The following DHX16 variants were observed in gnomAD, a reference collection of about 807,000 sequenced individuals.
The protein encoded by DHX16 is DEAH-box helicase 16, also known as pre-mRNA-splicing factor ATP-dependent RNA helicase DHX16.
DHX16 carries 81 observed loss-of-function variants against 131.2 expected under a neutral mutation model. That is an observed-to-expected ratio of 0.62 (90% CI 0.52 to 0.74). The LOEUF is 0.74. DHX16 is among the 30% of genes least tolerant of loss of function. The probability of loss-of-function intolerance (pLI) is 0.00; values close to 1 mark genes in which losing one functional copy is unlikely to be tolerated. For missense variants in DHX16, 980 were observed against 1,363.1 expected (o/e 0.72, Z 4.43); for synonymous variants, 440 against 520.2 (o/e 0.85, Z 2.10).
At position 30,670,649 on chromosome 6, in the gene DHX16, G is replaced by A; in HGVS notation, c.609+141C>T. The A allele has an allele frequency of 7.8e-7, 1 of 1,289,864 alleles. No individual in the cohort carries two copies. Among genetic ancestry groups the A allele is most frequent in the South Asian group, 1.3e-5 (1 of 74,566 alleles). 79.9% of individuals were successfully genotyped at this position (1,289,864 alleles called of 1,614,324 possible). ...GTTGTCTTAGCCACAGGATGCACAGGGCTTCTCTCACCACAGAGGTGAACA... is the reference window on the plus strand; with the variant it reads ...GTTGTCTTAGCCACAGGATGCACAGAGCTTCTCTCACCACAGAGGTGAACA... On this transcript the variant is annotated intron_variant, in intron 3 of 19. Transcript: ENST00000376442. This position sits in a 1 kb window ranked among gnomAD's most constrained non-coding sequence, Gnocchi z 4.4.
In DHX16 at chr6:30,659,614, T is replaced by A; in HGVS notation, c.1865A>T (p.Glu622Val). The change falls in exon 12 of 20, where the codon GAG (glutamate) becomes GTG (valine). Residue 622 changes from glutamate to valine, a missense_variant. By Grantham distance (121) the Glu-to-Val change is moderately radical. This residue lies in a region of DHX16 where 309 missense variants were observed against 537.1 expected (regional missense o/e 0.58). Coordinates refer to ENST00000376442, the MANE Select transcript of DHX16 (RefSeq NM_003587.5). ...LVFLTGQEEI[E>V]AACEMLQDRC... ...ATCCTGGAGCATCTCACAGGCAGCC[T>A]CAATCTCCTCCTGGATAGAGGGTAG... 7 of 1,613,954 alleles carry A rather than the reference T, an allele frequency of 4.3e-6. No individual in the cohort carries two copies. The highest frequency in any genetic ancestry group is 5.9e-6 in the Non-Finnish European group (7 of 1,180,008).
At chr6:30,655,839 C>T (rs950314624) in intron 16 of DHX16, among the ~76,000 whole-genome samples, 1 of 152,072 alleles carries the variant, frequency 6.6e-6, no homozygotes, top group African/African-American at 2.4e-5. Context: ...CAGGAAACAC[C>T]GGGGAATTCT....
intron 12 of DHX16, among the ~76,000 whole-genome samples, chr6:30,658,606 G>A (rs1768193561): frequency 1.3e-5 from 2 of 151,472 alleles, no homozygotes; most frequent in South Asian, 4.2e-4. Context: ...AGCTACTTGG[G>A]AAGCTGAGGC....
At chr6:30,660,323 G>T in intron 9 of DHX16, 81 bp from the exon 10 acceptor site, 2 of 1,166,194 alleles carry the variant, frequency 1.7e-6, no homozygotes, top group Non-Finnish European at 2.4e-6. Context: ...GGATGAGAGG[G>T]GAGTAATGGA....
intron 19 of DHX16, 125 bp from the exon 20 acceptor site, chr6:30,653,495 T>G: frequency 9.0e-7 from 1 of 1,116,396 alleles, no homozygotes. Context: ...TGCAGTGGCG[T>G]ATCATGGCTC....
Position 30,664,933 on chromosome 6 carries a change from G to A in DHX16, c.1185C>T (p.Val395=). Residue 395 remains valine, a synonymous_variant, in exon 7 of 20, where the codon GTC becomes GTT. Coordinates refer to ENST00000376442, the MANE Select transcript of DHX16 (RefSeq NM_003587.5). Reference sequence around the variant, plus strand: ...ATGGGAACACCGGGAGGCTGCGGCGGACGGCCTGGATGGACTCTTTCTGCT... The same window carrying A: ...ATGGGAACACCGGGAGGCTGCGGCGAACGGCCTGGATGGACTCTTTCTGCT... ...QAQQKESIQA[V]RRSLPVFPFR... 6.2e-7 allele frequency: 1 copy of A among 1,613,892 alleles called. No individual in the cohort carries two copies. The highest frequency in any genetic ancestry group is 8.5e-7 in the Non-Finnish European group (1 of 1,180,030).
intron 9 of DHX16, chr6:30,661,860 T>A (rs1157217941): frequency 1.4e-6 from 1 of 717,890 alleles, no homozygotes; most frequent in Non-Finnish European, 2.6e-6. Context: ...TCTCCATGGG[T>A]TCTTAGAGAT....
rs140311839 is a variant in DHX16 at position 30,669,195 on chromosome 6, G to A, written c.666+1215C>T. Among the ~76,000 whole-genome samples, 1,191 of 152,210 alleles carry A rather than the reference G, an allele frequency of 7.8e-3. 18 individuals are homozygous for A. Among genetic ancestry groups the A allele is most frequent in the East Asian group, 0.043 (224 of 5,168 alleles). On this transcript the variant is annotated intron_variant, in intron 4 of 19. Transcript: ENST00000376442. The stretch of plus-strand genomic sequence containing the variant: ...TCCCAACACTTTGGGAGGCCAAGGC[G>A]GGCAGATCACAAGGTCAAGAGATCA...
At chr6:30,668,223 C>T (rs544662637) in intron 4 of DHX16, among the ~76,000 whole-genome samples, 1 of 152,278 alleles carries the variant, frequency 6.6e-6, no homozygotes, top group East Asian at 1.9e-4. Context: ...AAAGAAAAAA[C>T]ATACCACATT....
At chr6:30,669,657 G>A (rs77413805) in intron 4 of DHX16, among the ~76,000 whole-genome samples, 1 of 149,990 alleles carries the variant, frequency 6.7e-6, no homozygotes, top group East Asian at 2.0e-4. Flanking sequence ...CTCAGGAGGC[G>A]GAGGTTGCAG....
In DHX16 at chr6:30,653,353, G is replaced by A; in HGVS notation, c.3015C>T (p.Ser1005=). ...EFMRQVLEIE[S]SWLLEVAPHY... ...GGGGAGCCACCTCCAGAAGCCAACT[G>A]CTCTCAATCTCCAGTACCTAGGAGA... Residue 1005 remains serine, a synonymous_variant, in exon 20 of 20, where the codon AGC becomes AGT. Coordinates refer to ENST00000376442, the MANE Select transcript of DHX16 (RefSeq NM_003587.5). The A allele has an allele frequency of 6.2e-7, 1 of 1,612,614 alleles. No homozygotes were observed. Among genetic ancestry groups the A allele is most frequent in the African/African-American group, 1.3e-5 (1 of 74,984 alleles).
chr6:30,663,158 G>A (rs1349986586), intron 7 of DHX16, 137 bp from the exon 8 acceptor site: 1 of 706,994 alleles, frequency 1.4e-6, no homozygotes, highest in Non-Finnish European at 2.3e-6. Flanking sequence ...AACCAGAAAA[G>A]AAGGGCAAAT....
rs372863262 is a variant in DHX16, at chr6:30,665,610, G to A, written c.790C>T (p.Arg264Trp). Residue 264 changes from arginine to tryptophan, a missense_variant, in exon 5 of 20, where the codon CGG (arginine) becomes TGG (tryptophan). Transcript: ENST00000376442. This position sits in a 1 kb window ranked among gnomAD's most constrained non-coding sequence, Gnocchi z 4.8. Reference protein sequence around the residue: ...EFLFGDVELSRHERQELKYKR... With the variant: ...EFLFGDVELSWHERQELKYKR... Reference sequence around the variant, plus strand: ...TATTTGAGCTCCTGCCGCTCGTGCCGGCTCAGCTCCACGTCCCCAAAAAGG... The same window carrying A: ...TATTTGAGCTCCTGCCGCTCGTGCCAGCTCAGCTCCACGTCCCCAAAAAGG... The A allele has an allele frequency of 4.4e-5, 71 of 1,612,786 alleles. No individual in the cohort carries two copies. The highest frequency in any genetic ancestry group is 5.3e-5 in the Non-Finnish European group (63 of 1,180,030).
Position 30,660,260 on chromosome 6 carries a change from G to C in DHX16, c.1545-18C>G, listed in dbSNP as rs1768381927. The C allele has an allele frequency of 1.3e-6, 2 of 1,516,414 alleles. No homozygotes were observed. Among genetic ancestry groups the C allele is most frequent in the Non-Finnish European group, 1.8e-6 (2 of 1,131,898 alleles). 93.9% of individuals were successfully genotyped at this position (1,516,414 alleles called of 1,614,324 possible). ...TCACCACGCTGGGGAGGGAATAGGA[G>C]AGCAATGAGGGAAGAGCGCTAGGCA... On this transcript the variant is annotated intron_variant, in intron 9 of 19. Coordinates refer to ENST00000376442, the MANE Select transcript of DHX16 (RefSeq NM_003587.5).
rs756390767 is a variant in DHX16 at position 30,665,039 on chromosome 6, T to G, written c.1125+32A>C. ...TGAGCTAAATAGCTCGCTACGGGTC[T>G]TCCTCAGAAAGTCTCCCAGCTCCCC... On this transcript the variant is annotated intron_variant, in intron 6 of 19. Coordinates refer to ENST00000376442, the MANE Select transcript of DHX16 (RefSeq NM_003587.5). The surrounding 1 kb of genome is among the most constrained non-coding windows in gnomAD (Gnocchi z 4.8). The G allele has an allele frequency of 6.8e-6, 11 of 1,613,890 alleles. No homozygotes were observed. In the South Asian group the frequency reaches 1.2e-4, roughly 18 times the overall value.
chr6:30,667,528 G>A (rs1305239062), intron 4 of DHX16, among the ~76,000 whole-genome samples: 1 of 150,160 alleles, frequency 6.7e-6, no homozygotes, highest in Non-Finnish European at 1.5e-5. Context: ...CTTGCAGTGA[G>A]CCGAGATCGC....
intron 4 of DHX16, among the ~76,000 whole-genome samples, chr6:30,667,226 G>A (rs1445950272): frequency 1.3e-5 from 2 of 152,054 alleles, no homozygotes; most frequent in Admixed American, 6.5e-5. Context: ...AGTTGTTGAG[G>A]AAAAGCTCTT....
At position 30,672,773 on chromosome 6, in the gene DHX16, C is replaced by T; in HGVS notation, c.69G>A (p.Glu23=). The change falls in exon 1 of 20, where the codon GAG becomes GAA. Residue 23 remains glutamate (E), a synonymous_variant. Coordinates refer to ENST00000376442, the MANE Select transcript of DHX16 (RefSeq NM_003587.5). ...DELHSVLGLS[E]RHVAQFLIGT... ...CGATCAGAAACTGGGCGACGTGCCGCTCGCTCAGCCCCAACACCGAGTGCA... is the reference window on the plus strand; with the variant it reads ...CGATCAGAAACTGGGCGACGTGCCGTTCGCTCAGCCCCAACACCGAGTGCA... 9.9e-6 allele frequency: 16 copies of T among 1,613,090 alleles called. No homozygotes were observed. Among genetic ancestry groups the T allele is most frequent in the Non-Finnish European group, 1.4e-5 (16 of 1,180,036 alleles).
intron 11 of DHX16, 48 bp downstream of exon 11, chr6:30,659,686 CCT>C (rs1466684311): frequency 2.1e-5 from 34 of 1,612,564 alleles, no homozygotes; most frequent in Admixed American, 3.3e-5. Context: ...ACATGCCGGC[CCT>C]GTCTTCCCCT....
Sources: allele counts gnomAD v4.1 joint callset (sites outside exome capture counted in the v4.1 genomes callset), GRCh38; gene constraint gnomAD v4.1.1; regional missense constraint gnomAD v4.1.1; non-coding constraint Gnocchi (gnomAD v3.1); transcripts MANE v1.5; gene names NCBI Gene and HGNC (gene_info 2026-07-23, HGNC 2026-07-21).